Variants in PDE4B observed in about 807,000 individuals in gnomAD.
PDE4B encodes 3',5'-cyclic-AMP phosphodiesterase 4B.
PDE4B carries 20 observed loss-of-function variants against 82.2 expected under a neutral mutation model. The observed-to-expected ratio is 0.24, with a 90% CI of 0.17 to 0.35. The LOEUF (loss-of-function observed/expected upper bound fraction) is 0.35, where lower values mean the gene tolerates loss of function less well. Among genes scored for constraint, PDE4B ranks in the 10% least tolerant of loss-of-function variants. The pLI, the probability that PDE4B is intolerant of heterozygous loss-of-function variation, is 1.00. For missense variants in PDE4B, 655 were observed against 907.2 expected (o/e 0.72, Z 3.57); for synonymous variants, 320 against 318.9 (o/e 1.00, Z -0.04).
At chr1:66,131,921 C>T (rs944993121) in intron 3 of PDE4B, among the ~76,000 whole-genome samples, 1 of 151,798 alleles carries the variant, frequency 6.6e-6, no homozygotes, top group East Asian at 1.9e-4. Context: ...GTGAGAAGAG[C>T]CTTCTAGGCA....
chr1:65,962,452 AG>A (rs915531580), intron 3 of PDE4B, among the ~76,000 whole-genome samples: 2 of 152,140 alleles, frequency 1.3e-5, no homozygotes, highest in African/African-American at 4.8e-5. Context: ...CTAGGGACAT[AG>A]GATGTGTGTG....
chr1:66,339,845 TTG>T lies in PDE4B; in HGVS notation c.747+7227_747+7228del, dbSNP rs765634155. Among the ~76,000 whole-genome samples the T allele has an allele frequency of 7.4e-3, 668 of 89,846 alleles. 6 individuals carry two copies. Among genetic ancestry groups the T allele is most frequent in the African/African-American group, 0.026 (412 of 15,958 alleles). 58.9% of individuals were successfully genotyped at this position (89,846 alleles called of 152,430 possible). Reference sequence around the variant, plus strand: ...TTTAGTTTTTTTTTGTTTGTTTTTTTTGTTGTTTTTTTTTTTTTAGAATATGT... The same window carrying T: ...TTTAGTTTTTTTTTGTTTGTTTTTTTTTGTTTTTTTTTTTTTAGAATATGT... On this transcript the variant is annotated intron_variant, in intron 8 of 16. Transcript: ENST00000341517.
intron 3 of PDE4B, among the ~76,000 whole-genome samples, chr1:66,114,347 G>A (rs1376460127): frequency 6.6e-6 from 1 of 152,164 alleles, no homozygotes; most frequent in Admixed American, 6.5e-5. Flanking sequence ...TCTCAAAGAT[G>A]AGGAAACTAA....
At chr1:66,000,329 G>A (rs2100706293) in intron 3 of PDE4B, among the ~76,000 whole-genome samples, 1 of 152,236 alleles carries the variant, frequency 6.6e-6, no homozygotes, top group East Asian at 1.9e-4. Context: ...TTTTTCCACT[G>A]ATGCAACATT....
chr1:66,197,823 G>A (rs889035340), intron 3 of PDE4B, among the ~76,000 whole-genome samples: 2 of 152,038 alleles, frequency 1.3e-5, no homozygotes, highest in Admixed American at 6.6e-5. Context: ...AAATGCACTA[G>A]CATTTAATTT....
In PDE4B at chr1:65,823,140, A is replaced by G. The variant is rs1032038588; in HGVS notation, c.-71+29892A>G. ...AGGCTGGGCACAGTGGCTCGTGCCTATAGTCCCAGCACTTTGGGAGGCCGA... is the reference window on the plus strand; with the variant it reads ...AGGCTGGGCACAGTGGCTCGTGCCTGTAGTCCCAGCACTTTGGGAGGCCGA... On this transcript the variant is annotated intron_variant, in intron 1 of 16. Coordinates refer to ENST00000341517, the MANE Select transcript of PDE4B (RefSeq NM_002600.4). Among the ~76,000 whole-genome samples, 9 of 152,054 alleles carry G rather than the reference A, an allele frequency of 5.9e-5. No homozygotes were observed. The East Asian group carries it at 1.7e-3, about 30-fold the overall frequency.
At chr1:66,087,400 T>C (rs2100979574) in intron 3 of PDE4B, among the ~76,000 whole-genome samples, 1 of 152,248 alleles carries the variant, frequency 6.6e-6, no homozygotes, top group East Asian at 1.9e-4. Context: ...ATTAGCCCTT[T>C]GTCAGATGAG....
intron 3 of PDE4B, among the ~76,000 whole-genome samples, chr1:66,245,652 G>C (rs541547650): frequency 2.6e-5 from 4 of 152,350 alleles, no homozygotes; most frequent in Admixed American, 2.0e-4. Flanking sequence ...CCACCTGCCT[G>C]TCTGCCTGCA....
chr1:66,306,720 A>G (rs1455818851), intron 7 of PDE4B, among the ~76,000 whole-genome samples: 3 of 152,154 alleles, frequency 2.0e-5, no homozygotes, highest in Non-Finnish European at 2.9e-5. Context: ...TTCATGTAGA[A>G]GAAAATCCAG....
At chr1:65,921,189 C>G (rs564718193) in intron 3 of PDE4B, among the ~76,000 whole-genome samples, 5 of 151,606 alleles carry the variant, frequency 3.3e-5, no homozygotes, top group African/African-American at 1.2e-4. Flanking sequence ...GGGATGGTCT[C>G]GATCTCCTGA....
chr1:66,219,986 G>A (rs979032908), intron 3 of PDE4B, among the ~76,000 whole-genome samples: 14 of 152,082 alleles, frequency 9.2e-5, no homozygotes, highest in Admixed American at 6.6e-4. Flanking sequence ...ATAGTGATTA[G>A]TATGACAATG....
At chr1:66,330,791 T>C in intron 7 of PDE4B, 1 of 985,318 alleles carries the variant, frequency 1.0e-6, no homozygotes, top group Non-Finnish European at 1.2e-6. Context: ...TCAGAGAATC[T>C]TCGTGTTGAG....
At chr1:66,272,566 T>C (rs1655576962) in intron 7 of PDE4B, among the ~76,000 whole-genome samples, 2 of 152,218 alleles carry the variant, frequency 1.3e-5, no homozygotes, top group South Asian at 4.2e-4. Context: ...AGTAGCATCT[T>C]CATCATCCAC....
At chr1:65,915,463 G>C (rs1647148876) in intron 2 of PDE4B, among the ~76,000 whole-genome samples, 1 of 152,126 alleles carries the variant, frequency 6.6e-6, no homozygotes, top group Admixed American at 6.6e-5. Context: ...CACAGTAGGA[G>C]ACCTTAAAAA....
intron 3 of PDE4B, among the ~76,000 whole-genome samples, chr1:66,132,600 T>C (rs1400478389): frequency 6.6e-6 from 1 of 152,160 alleles, no homozygotes; most frequent in Non-Finnish European, 1.5e-5. Flanking sequence ...CAAATAATTG[T>C]TTTATTGGCC....
intron 1 of PDE4B, among the ~76,000 whole-genome samples, chr1:65,870,929 A>G (rs1646565750): frequency 6.6e-6 from 1 of 152,176 alleles, no homozygotes; most frequent in African/African-American, 2.4e-5. Context: ...ATCTGAGTCA[A>G]GAGAGTTAGA....
chr1:66,126,882 G>A (rs373461910), intron 3 of PDE4B, among the ~76,000 whole-genome samples: 1 of 152,174 alleles, frequency 6.6e-6, no homozygotes, highest in Admixed American at 6.5e-5. Context: ...GAAGACAGGT[G>A]GGCATCAGCT....
chr1:66,010,279 A>G (rs896289833), intron 3 of PDE4B, among the ~76,000 whole-genome samples: 112 of 151,940 alleles, frequency 7.4e-4, no homozygotes, highest in African/African-American at 2.6e-3. Context: ...TTTCAAAGTA[A>G]TTTTATCTGG....
At chr1:66,226,743 A>G (rs1433866348) in intron 3 of PDE4B, among the ~76,000 whole-genome samples, 1 of 152,256 alleles carries the variant, frequency 6.6e-6, no homozygotes, top group Non-Finnish European at 1.5e-5. Flanking sequence ...TTTGGATTTT[A>G]TTTTAAATGT....
Sources: allele counts gnomAD v4.1 joint callset (sites outside exome capture counted in the v4.1 genomes callset), GRCh38; gene constraint gnomAD v4.1.1; transcripts MANE v1.5; gene names NCBI Gene and HGNC (gene_info 2026-07-23, HGNC 2026-07-21).